The following ANKRD20A1 variants were observed in gnomAD, a reference collection of about 807,000 sequenced individuals.
The protein encoded by ANKRD20A1 is ankyrin repeat domain 20 family member A1, also known as ankyrin repeat domain-containing protein 20A1.
A neutral mutation model predicts 50.9 loss-of-function variants in ANKRD20A1; 2 were observed. The observed-to-expected ratio is 0.04, with a 90% confidence interval of 0.02 to 0.12. The LOEUF is 0.12. ANKRD20A1 is among the 10% of genes least tolerant of loss of function. ANKRD20A1 has a pLI of 1.00. For synonymous variants in ANKRD20A1, 10 were observed against 186.2 expected, an observed-to-expected ratio of 0.05 and a Z score of 7.70; for missense variants, 31 against 548.1, an observed-to-expected ratio of 0.06 and a Z score of 9.42.
rs1310666883 is a variant in ANKRD20A1, at chr9:67,861,576, A to T, written c.204-1365A>T. Among the ~76,000 whole-genome samples, 2 of 48,534 alleles carry T rather than the reference A, an allele frequency of 4.1e-5. 1 individual carries two copies. The highest frequency in any genetic ancestry group is 8.3e-5 in the Non-Finnish European group (2 of 24,134). The allele number at this position is 48,534 out of a possible 152,430, so 31.8% of individuals were successfully genotyped here. A position where few individuals can be genotyped will look rare whatever the true frequency, so the allele number is the denominator to read the frequency against. ...GGACCCGTCCATCCTTAAACACTTC[A>T]TGTTTACCTGCCCCACCTGCACAAG... On this transcript the variant is annotated intron_variant, in intron 1 of 14. Transcript: ENST00000562196.
intron 3 of ANKRD20A1, among the ~76,000 whole-genome samples, chr9:67,865,720 A>ATGC (rs1554810665): frequency 3.3e-5 from 4 of 122,304 alleles, no homozygotes; most frequent in Non-Finnish European, 7.1e-5. Flanking sequence ...CCTTTATAGA[A>ATGC]GGCAGGTATT....
intron 8 of ANKRD20A1, among the ~76,000 whole-genome samples, chr9:67,882,157 A>G (rs1420261171): frequency 1.6e-4 from 24 of 147,622 alleles, no homozygotes; most frequent in African/African-American, 5.4e-4. Context: ...CACCATGCTC[A>G]GCTGAGTTTT....
At chr9:67,882,625 C>A (rs1587602201) in intron 8 of ANKRD20A1, among the ~76,000 whole-genome samples, 1 of 146,144 alleles carries the variant, frequency 6.8e-6, no homozygotes, top group East Asian at 2.2e-4. Context: ...TATACTTTTT[C>A]AAGCCATACA....
intron 11 of ANKRD20A1, among the ~76,000 whole-genome samples, 194 bp downstream of exon 11, chr9:67,887,662 TG>T (rs1827896630): frequency 1.1e-5 from 1 of 89,620 alleles, no homozygotes; most frequent in African/African-American, 3.6e-5. Context: ...TTAACTCAGA[TG>T]TTTCTCTTTT....
Position 67,900,486 on chromosome 9 carries a change from T to G in ANKRD20A1, c.1498-7T>G. On this transcript the variant is annotated splice_polypyrimidine_tract_variant and splice_region_variant and intron_variant, in intron 14 of 14. Transcript: ENST00000562196. ...TACTAGCTAAAATTTTCTTTTGTTT[T>G]ATTTAGGATTTTCATAATCATGAAG... 1.0e-6 allele frequency: 1 copy of G among 954,358 alleles called. No individual in the cohort carries two copies. Among genetic ancestry groups the G allele is most frequent in the Non-Finnish European group, 1.4e-6 (1 of 722,864 alleles). The allele number at this position is 954,358 out of a possible 1,614,324, so 59.1% of individuals were successfully genotyped here. A position where few individuals can be genotyped will look rare whatever the true frequency, so the allele number is the denominator to read the frequency against.
At chr9:67,894,504 G>A (rs1395792828) in intron 12 of ANKRD20A1, among the ~76,000 whole-genome samples, 2 of 138,644 alleles carry the variant, frequency 1.4e-5, no homozygotes, top group African/African-American at 5.0e-5. Context: ...AAGTTTAATC[G>A]AAACAAATGC....
At chr9:67,882,918 A>G (rs1222652952) in intron 8 of ANKRD20A1, among the ~76,000 whole-genome samples, 3 of 151,128 alleles carry the variant, frequency 2.0e-5, no homozygotes, top group African/African-American at 7.3e-5. Flanking sequence ...TAGTTTGCTC[A>G]GAACGATGGT....
At chr9:67,877,546 C>CA (rs1471062335) in intron 6 of ANKRD20A1, among the ~76,000 whole-genome samples, 2 of 151,440 alleles carry the variant, frequency 1.3e-5, no homozygotes, top group Non-Finnish European at 2.9e-5. Context: ...GGATCTAAAG[C>CA]ATACATACAA....
intron 12 of ANKRD20A1, among the ~76,000 whole-genome samples, chr9:67,893,952 A>T (rs1256159699): frequency 1.3e-5 from 2 of 152,308 alleles, no homozygotes; most frequent in Admixed American, 1.3e-4. Context: ...TTGCAGTTTT[A>T]TATTGCTGGT....
chr9:67,868,083 AG>A (rs2131550358), intron 4 of ANKRD20A1, among the ~76,000 whole-genome samples: 1 of 126,706 alleles, frequency 7.9e-6, no homozygotes, highest in Non-Finnish European at 1.7e-5. Flanking sequence ...TGATTTGACT[AG>A]GAAAGCAACG....
At chr9:67,866,113 A>G in intron 3 of ANKRD20A1, among the ~76,000 whole-genome samples, 1 of 149,150 alleles carries the variant, frequency 6.7e-6, no homozygotes, top group Non-Finnish European at 1.5e-5. Context: ...ATTGGCTTGT[A>G]TTATGCCAGA....
chr9:67,885,390 C>T (rs1354609011), intron 9 of ANKRD20A1, among the ~76,000 whole-genome samples: 1 of 152,306 alleles, frequency 6.6e-6, no homozygotes, highest in Non-Finnish European at 1.5e-5. Flanking sequence ...AGGATTGAGG[C>T]ACCTCACCAC....
At chr9:67,884,882 TC>T (rs1412272199) in intron 9 of ANKRD20A1, among the ~76,000 whole-genome samples, 1 of 150,336 alleles carries the variant, frequency 6.7e-6, no homozygotes, top group Non-Finnish European at 1.5e-5. Flanking sequence ...AGAGCGAGAC[TC>T]CGTCTCAGAA....
At chr9:67,885,128 G>C (rs1253391618) in intron 9 of ANKRD20A1, among the ~76,000 whole-genome samples, 1 of 152,136 alleles carries the variant, frequency 6.6e-6, no homozygotes. Context: ...CAAGTCAGGA[G>C]AGAGGGAAGA....
chr9:67,884,999 A>AGG (rs1554812212), intron 9 of ANKRD20A1, among the ~76,000 whole-genome samples: 1 of 38,104 alleles, frequency 2.6e-5, no homozygotes, highest in African/African-American at 4.8e-5. Flanking sequence ...ATAATAAGTA[A>AGG]AGAAGTGAAA....
At chr9:67,868,827 A>G (rs1036167662) in intron 5 of ANKRD20A1, among the ~76,000 whole-genome samples, 1 of 57,210 alleles carries the variant, frequency 1.7e-5, no homozygotes, top group African/African-American at 5.2e-5. Flanking sequence ...TATAATCCCC[A>G]TGCATGGGAT....
chr9:67,867,603 A>G (rs1372806460), intron 4 of ANKRD20A1, among the ~76,000 whole-genome samples: 1 of 152,406 alleles, frequency 6.6e-6, no homozygotes, highest in East Asian at 1.9e-4. Context: ...GGTATTTATA[A>G]TCAGATGTTT....
chr9:67,865,481 C>T (rs1048862398), intron 3 of ANKRD20A1, among the ~76,000 whole-genome samples: 1 of 137,376 alleles, frequency 7.3e-6, no homozygotes, highest in African/African-American at 2.9e-5. Context: ...CATGCAAATA[C>T]TTGGATTATA....
Position 67,900,990 on chromosome 9 carries a change from T to C in ANKRD20A1, c.1995T>C (p.Ser665=), listed in dbSNP as rs1828059631. Residue 665 remains serine (S), a synonymous_variant, in exon 15 of 15, where the codon TCT becomes TCC. Transcript: ENST00000562196. The part of the protein sequence containing the change: ...AENEFLTEQL[S]ETQIKFNALK... Reference sequence around the variant, plus strand: ...ATGAGTTTCTTACTGAACAACTTTCTGAAACACAAATTAAATTCAATGCCT... The same window carrying C: ...ATGAGTTTCTTACTGAACAACTTTCCGAAACACAAATTAAATTCAATGCCT... The C allele has an allele frequency of 6.2e-7, 1 of 1,611,802 alleles. No individual in the cohort carries two copies. Among genetic ancestry groups the C allele is most frequent in the Admixed American group, 1.7e-5 (1 of 59,982 alleles).
Sources: gnomAD v4.1 joint callset for allele counts (sites outside exome capture counted in the v4.1 genomes callset) on GRCh38, gnomAD v4.1.1 for gene constraint, MANE v1.5 for transcripts, NCBI Gene and HGNC (gene_info 2026-07-23, HGNC 2026-07-21) for gene names.